The following CACNA1E variants were observed in gnomAD, a reference collection of about 807,000 sequenced individuals.
The protein encoded by CACNA1E is calcium voltage-gated channel subunit alpha1 E.
In CACNA1E, 40 loss-of-function variants were observed where a neutral mutation model predicts 259.2. The observed-to-expected ratio is 0.15, with a 90% CI of 0.12 to 0.20. The LOEUF (loss-of-function observed/expected upper bound fraction) is 0.20. Among genes scored for constraint, CACNA1E ranks in the 10% least tolerant of loss-of-function variants. CACNA1E has a pLI of 1.00. For synonymous variants in CACNA1E, 1,104 were observed against 1,138.5 expected (o/e 0.97, Z 0.61); for missense variants, 1,874 against 3,040.1 (o/e 0.62, Z 9.02).
intron 3 of CACNA1E, among the ~76,000 whole-genome samples, chr1:181,528,062 C>G (rs746612658): frequency 1.3e-4 from 19 of 151,308 alleles, no homozygotes; most frequent in Non-Finnish European, 2.2e-4. Flanking sequence ...CTTTCCACTT[C>G]TGATATGGTT....
At chr1:181,345,747 C>T (rs1370529772) in intron 1 of CACNA1E, among the ~76,000 whole-genome samples, 2 of 152,232 alleles carry the variant, frequency 1.3e-5, no homozygotes, top group African/African-American at 4.8e-5. Context: ...GGGCAGATGA[C>T]TTGCTCATTT....
At chr1:181,367,440 A>G (rs1487495949) in intron 1 of CACNA1E, among the ~76,000 whole-genome samples, 1 of 151,706 alleles carries the variant, frequency 6.6e-6, no homozygotes, top group Non-Finnish European at 1.5e-5. Context: ...AGGGATCTCT[A>G]GCTTGTCATC....
intron 1 of CACNA1E, among the ~76,000 whole-genome samples, chr1:181,486,440 G>A (rs1038293821): frequency 6.6e-6 from 1 of 152,162 alleles, no homozygotes; most frequent in Non-Finnish European, 1.5e-5. Flanking sequence ...GGAAACATTG[G>A]GCTTCCGTGG....
At chr1:181,484,188 C>G (rs1663570739) in intron 1 of CACNA1E, among the ~76,000 whole-genome samples, 178 bp downstream of exon 1, 1 of 152,118 alleles carries the variant, frequency 6.6e-6, no homozygotes, top group Admixed American at 6.5e-5. Flanking sequence ...CCCGTTTGGG[C>G]ACTAGTGTTT....
At position 181,391,925 on chromosome 1, in the gene CACNA1E, GTCTCTC is replaced by G. The variant is rs58946698; in HGVS notation, c.-14-21192_-14-21187del. Among the ~76,000 whole-genome samples, 712 of 147,814 alleles carry G rather than the reference GTCTCTC, an allele frequency of 4.8e-3. 7 individuals are homozygous for G. Among genetic ancestry groups the G allele is most frequent in the Middle Eastern group, 0.01 (3 of 288 alleles). ...TCTCTCTCTGTCTTTCTCTCTCTCT[GTCTCTC>G]TCTCTCTCTCTCTCTGTGTGTGTGT... On this transcript the variant is annotated intron_variant, in intron 1 of 11. Transcript: ENST00000524607.
chr1:181,417,965 C>T (rs899130415), intron 2 of CACNA1E, among the ~76,000 whole-genome samples: 1 of 152,078 alleles, frequency 6.6e-6, no homozygotes, highest in African/African-American at 2.4e-5. Flanking sequence ...ATTCTGTCTC[C>T]ATTTTTTTTT....
At chr1:181,722,695 T>A (rs545777194) in intron 16 of CACNA1E, among the ~76,000 whole-genome samples, 1 of 152,326 alleles carries the variant, frequency 6.6e-6, no homozygotes, top group South Asian at 2.1e-4. Flanking sequence ...ATACAACTGT[T>A]AGATGCTTTT....
intron 3 of CACNA1E, among the ~76,000 whole-genome samples, chr1:181,545,004 C>T (rs1002715347): frequency 3.3e-5 from 5 of 152,116 alleles, no homozygotes; most frequent in Admixed American, 6.5e-5. Context: ...AAAATTTGGC[C>T]CTACCCCCAG....
chr1:181,676,116 C>T (rs1408858149), intron 7 of CACNA1E, among the ~76,000 whole-genome samples: 1 of 152,162 alleles, frequency 6.6e-6, no homozygotes, highest in Non-Finnish European at 1.5e-5. Flanking sequence ...CTCTTCTCCC[C>T]AGCAAAGTGT....
At chr1:181,492,135 A>G (rs1225450961) in intron 1 of CACNA1E, among the ~76,000 whole-genome samples, 6 of 152,320 alleles carry the variant, frequency 3.9e-5, no homozygotes, top group Middle Eastern at 3.4e-3. Context: ...AACAAAACAA[A>G]ACAAAACAAA....
intron 3 of CACNA1E, among the ~76,000 whole-genome samples, chr1:181,574,315 A>G (rs1403498553): frequency 1.3e-5 from 2 of 152,100 alleles, no homozygotes; most frequent in African/African-American, 2.4e-5. Flanking sequence ...ATATTAGAAG[A>G]TCCTCATTAG....
intron 3 of CACNA1E, among the ~76,000 whole-genome samples, chr1:181,529,225 C>A (rs1000334136): frequency 6.6e-6 from 1 of 151,714 alleles, no homozygotes; most frequent in Non-Finnish European, 1.5e-5. Context: ...CAAGTCTTGG[C>A]AGCTTCCACA....
At chr1:181,672,275 A>G (rs1449728889) in intron 7 of CACNA1E, among the ~76,000 whole-genome samples, 3 of 152,142 alleles carry the variant, frequency 2.0e-5, no homozygotes, top group African/African-American at 7.2e-5. Flanking sequence ...AAAAAACATA[A>G]CTATTGGGTA....
intron 7 of CACNA1E, among the ~76,000 whole-genome samples, chr1:181,706,481 T>A (rs1652811424): frequency 6.6e-6 from 1 of 152,236 alleles, no homozygotes; most frequent in African/African-American, 2.4e-5. Context: ...GAATGCAATA[T>A]GTGTATGAAT....
chr1:181,326,007 C>G (rs1017423126), intron 1 of CACNA1E, among the ~76,000 whole-genome samples: 1 of 152,208 alleles, frequency 6.6e-6, no homozygotes, highest in African/African-American at 2.4e-5. Context: ...CTCGCCTCCT[C>G]CACCCGCTCC....
At chr1:181,563,747 G>T (rs1248891261) in intron 3 of CACNA1E, among the ~76,000 whole-genome samples, 1 of 152,152 alleles carries the variant, frequency 6.6e-6, no homozygotes, top group Admixed American at 6.5e-5. Flanking sequence ...CTCCATGCCA[G>T]TTACATAGTT....
intron 2 of CACNA1E, among the ~76,000 whole-genome samples, chr1:181,433,916 A>T (rs1205497963): frequency 1.3e-5 from 2 of 152,228 alleles, no homozygotes; most frequent in African/African-American, 2.4e-5. Flanking sequence ...TCCTTGTTGA[A>T]GAGCTCTTGA....
At chr1:181,767,721 G>A (rs998997408) in intron 35 of CACNA1E, among the ~76,000 whole-genome samples, 1 of 152,238 alleles carries the variant, frequency 6.6e-6, no homozygotes, top group African/African-American at 2.4e-5. Flanking sequence ...CAAAATGTGT[G>A]AGACTTGGTT....
intron 6 of CACNA1E, among the ~76,000 whole-genome samples, chr1:181,639,371 A>C (rs1443708863): frequency 6.6e-6 from 1 of 152,220 alleles, no homozygotes; most frequent in East Asian, 1.9e-4. Flanking sequence ...TACAGGTGTG[A>C]GCCACCACGC....
Sources: allele counts gnomAD v4.1 joint callset (sites outside exome capture counted in the v4.1 genomes callset), GRCh38; gene constraint gnomAD v4.1.1; transcripts MANE v1.5; gene names NCBI Gene and HGNC (gene_info 2026-07-23, HGNC 2026-07-21).